The following ANKRD12 variants were observed in gnomAD, a reference collection of about 807,000 sequenced individuals.
ANKRD12 encodes the protein ankyrin repeat domain 12.
A neutral mutation model predicts 183.4 loss-of-function variants in ANKRD12; 85 were observed. That is an observed-to-expected ratio of 0.46 (90% CI 0.39 to 0.56). The LOEUF (loss-of-function observed/expected upper bound fraction) is 0.56, where lower values mean the gene tolerates loss of function less well. ANKRD12 is among the 20% of genes least tolerant of loss of function. The probability of loss-of-function intolerance (pLI) is 0.00; values close to 1 mark genes in which losing one functional copy is unlikely to be tolerated. For missense variants in ANKRD12, 2,405 were observed against 2,357.1 expected (o/e 1.02, Z -0.42); for synonymous variants, 914 against 800.2 (o/e 1.14, Z -2.40).
At chr18:9,245,501 T>C (rs904446217) in intron 8 of ANKRD12, among the ~76,000 whole-genome samples, 3 of 152,094 alleles carry the variant, frequency 2.0e-5, no homozygotes, top group African/African-American at 7.2e-5. Context: ...AGTTTGTAAT[T>C]GTTTAAGGTC....
chr18:9,242,551 A>G (rs1449776749), intron 8 of ANKRD12, among the ~76,000 whole-genome samples: 3 of 152,162 alleles, frequency 2.0e-5, no homozygotes, highest in African/African-American at 4.8e-5. Context: ...CCTCCATGTA[A>G]TGTATATATT....
In ANKRD12 at chr18:9,199,346, G is replaced by T. The variant is rs542090107; in HGVS notation, c.235+3648G>T. Among the ~76,000 whole-genome samples, 3 of 152,222 alleles carry T rather than the reference G, an allele frequency of 2.0e-5. No individual in the cohort carries two copies. In the East Asian group the frequency reaches 5.8e-4, roughly 29 times the overall value. Reference sequence around the variant, plus strand: ...GATTATGAAACAGTATGTGCTATTTGCATTAAAATTGTAATTTGTGTATTT... The same window carrying T: ...GATTATGAAACAGTATGTGCTATTTTCATTAAAATTGTAATTTGTGTATTT... On this transcript the variant is annotated intron_variant, in intron 3 of 12. Transcript: ENST00000262126.
intron 1 of ANKRD12, among the ~76,000 whole-genome samples, chr18:9,180,055 G>A (rs542237191): frequency 6.6e-6 from 1 of 152,264 alleles, no homozygotes; most frequent in South Asian, 2.1e-4. Flanking sequence ...AAGTATAATA[G>A]TTGAAGCCTC....
chr18:9,195,370 GAGT>G (rs2034717871), intron 2 of ANKRD12, among the ~76,000 whole-genome samples, 178 bp from the exon 3 acceptor site: 1 of 152,148 alleles, frequency 6.6e-6, no homozygotes, highest in African/African-American at 2.4e-5. Context: ...TATTAAATAA[GAGT>G]AGGGAAATAT....
intron 1 of ANKRD12, among the ~76,000 whole-genome samples, chr18:9,143,576 C>G (rs1424148029): frequency 2.0e-5 from 3 of 152,080 alleles, no homozygotes; most frequent in African/African-American, 7.2e-5. Context: ...TTCTCCTGCC[C>G]CAGCTCCCCG....
chr18:9,231,018 A>G (rs2144863824), intron 8 of ANKRD12, among the ~76,000 whole-genome samples: 2 of 151,818 alleles, frequency 1.3e-5, no homozygotes, highest in South Asian at 4.2e-4. Context: ...TAATTTCTTC[A>G]TTGATCTAGT....
intron 8 of ANKRD12, among the ~76,000 whole-genome samples, chr18:9,247,474 A>G (rs1567961480): frequency 6.6e-6 from 1 of 152,120 alleles, no homozygotes. Context: ...CGGAGACCCT[A>G]TCTAAAAAAA....
intron 1 of ANKRD12, among the ~76,000 whole-genome samples, chr18:9,181,484 T>G (rs959183607): frequency 6.6e-6 from 1 of 152,188 alleles, no homozygotes; most frequent in Non-Finnish European, 1.5e-5. Context: ...TCATTCTGCT[T>G]CTTGTTGTAG....
At chr18:9,233,272 T>A (rs2144893078) in intron 8 of ANKRD12, among the ~76,000 whole-genome samples, 1 of 152,190 alleles carries the variant, frequency 6.6e-6, no homozygotes, top group East Asian at 1.9e-4. Context: ...TTTTGTTTGG[T>A]TCTTTTTTAT....
chr18:9,185,513 T>G (rs2033988884), intron 2 of ANKRD12, among the ~76,000 whole-genome samples: 1 of 152,216 alleles, frequency 6.6e-6, no homozygotes, highest in Non-Finnish European at 1.5e-5. Context: ...AAGTTTGCTT[T>G]GTACTTGCTG....
chr18:9,175,966 A>G (rs2033232141), intron 1 of ANKRD12, among the ~76,000 whole-genome samples: 1 of 152,230 alleles, frequency 6.6e-6, no homozygotes, highest in African/African-American at 2.4e-5. Context: ...TTTCCTGAAC[A>G]GTCAATTTAG....
intron 10 of ANKRD12, among the ~76,000 whole-genome samples, chr18:9,265,929 A>G (rs2039263341): frequency 6.6e-6 from 1 of 152,186 alleles, no homozygotes; most frequent in Admixed American, 6.5e-5. Flanking sequence ...TCCTTAAAGG[A>G]CCTGATGGAA....
chr18:9,148,356 C>T (rs976711230), intron 1 of ANKRD12, among the ~76,000 whole-genome samples: 6 of 151,876 alleles, frequency 4.0e-5, no homozygotes, highest in Admixed American at 3.3e-4. Context: ...GTATAAGATA[C>T]CCTAGGCAAA....
In ANKRD12 at chr18:9,257,786, A is replaced by G. The variant is rs1350659582; in HGVS notation, c.4519A>G (p.Lys1507Glu). Reference protein sequence around the residue: ...QSLSDAESISKHMSLSYVANQ... With the variant: ...QSLSDAESISEHMSLSYVANQ... ...ACTTTCAGATGCTGAATCGATTTCT[A>G]AACATATGTCTTTGTCATATGTTGC... The change falls in exon 9 of 13, where the codon AAA becomes GAA. Residue 1507 changes from lysine (K) to glutamate (E), a missense_variant. This residue lies in a region of ANKRD12 where 1,983 missense variants were observed against 1,725.9 expected (regional missense o/e 1.15). Coordinates refer to ENST00000262126, the MANE Select transcript of ANKRD12 (RefSeq NM_015208.5). 2 of 1,613,920 alleles carry G rather than the reference A, an allele frequency of 1.2e-6. No homozygotes were observed. The highest frequency in any genetic ancestry group is 2.2e-5 in the South Asian group (2 of 91,074).
chr18:9,284,390 AAAAG>A lies in ANKRD12; in HGVS notation c.*3268_*3271del, dbSNP rs2040178850. 3 of 151,634 alleles carry A rather than the reference AAAAG, an allele frequency of 2.0e-5. No individual in the cohort carries two copies. The South Asian group carries it at 6.2e-4, about 32-fold the overall frequency. 9.4% of individuals were successfully genotyped at this position (151,634 alleles called of 1,614,324 possible). ...GCAGACCTAAATACATAGTTTTCCAAAAAGAAAATTATTGTCTCTGATATCTTAA... is the reference window on the plus strand; with the variant it reads ...GCAGACCTAAATACATAGTTTTCCAAAAAATTATTGTCTCTGATATCTTAA... On this transcript the variant is annotated 3_prime_UTR_variant, in exon 13 of 13. Transcript: ENST00000262126.
intron 3 of ANKRD12, among the ~76,000 whole-genome samples, chr18:9,200,960 A>G (rs901312237): frequency 1.3e-5 from 2 of 152,140 alleles, no homozygotes; most frequent in African/African-American, 4.8e-5. Flanking sequence ...TCACAAGATT[A>G]TTGCTTCTTC....
chr18:9,183,251 T>A (rs2033828161), intron 2 of ANKRD12, among the ~76,000 whole-genome samples: 1 of 152,238 alleles, frequency 6.6e-6, no homozygotes, highest in East Asian at 1.9e-4. Context: ...AATTTTAGGA[T>A]CAGCTTGTCA....
rs375166107 is a variant in ANKRD12 at position 9,256,791 on chromosome 18, T to C, written c.3524T>C (p.Leu1175Ser). 1.1e-5 allele frequency: 18 copies of C among 1,613,844 alleles called. No homozygotes were observed. Among genetic ancestry groups the C allele is most frequent in the South Asian group, 7.7e-5 (7 of 91,058 alleles). Residue 1175 changes from leucine (L) to serine (S), a missense_variant, in exon 9 of 13, where the codon TTA becomes TCA. By Grantham distance (145) the Leu-to-Ser change is moderately radical. Coordinates refer to ENST00000262126, the MANE Select transcript of ANKRD12 (RefSeq NM_015208.5). The stretch of plus-strand genomic sequence containing the variant: ...GTTGACACCAAAAATGTAATGACTT[T>C]AGGGAAGTCATCTTTTGTTTCAGAT... Reference protein sequence around the residue: ...QSVDTKNVMTLGKSSFVSDNS... With the variant: ...QSVDTKNVMTSGKSSFVSDNS...
rs1380048925 is a variant in ANKRD12 at position 9,157,585 on chromosome 18, G to GTATATATATATA, written c.-52+20624_-52+20635dup. On this transcript the variant is annotated intron_variant, in intron 1 of 12. Coordinates refer to ENST00000262126, the MANE Select transcript of ANKRD12 (RefSeq NM_015208.5). ...TGTGTGTGTGTGTGTGTGTGTGTGTGTATATATATATATATGTATTTTTTT... is the reference window on the plus strand; with the variant it reads ...TGTGTGTGTGTGTGTGTGTGTGTGTGTATATATATATATATATATATATATATGTATTTTTTT... Among the ~76,000 whole-genome samples, 138 of 92,678 alleles carry GTATATATATATA rather than the reference G, an allele frequency of 1.5e-3. 3 individuals are homozygous for GTATATATATATA. The highest frequency in any genetic ancestry group is 6.7e-3 in the African/African-American group (127 of 19,038). 60.8% of individuals were successfully genotyped at this position (92,678 alleles called of 152,430 possible).
Sources: allele counts gnomAD v4.1 joint callset (sites outside exome capture counted in the v4.1 genomes callset), GRCh38; gene constraint gnomAD v4.1.1; regional missense constraint gnomAD v4.1.1; transcripts MANE v1.5; gene names NCBI Gene and HGNC (gene_info 2026-07-23, HGNC 2026-07-21).